The following CASP8 variants were observed in gnomAD, a reference collection of about 807,000 sequenced individuals.
CASP8 encodes the protein caspase-8.
CASP8 carries 24 observed loss-of-function variants against 46.3 expected under a neutral mutation model. That is an observed-to-expected ratio of 0.52 (90% CI 0.38 to 0.73). The LOEUF is 0.73. CASP8 is among the 30% of genes least tolerant of loss of function. The probability of loss-of-function intolerance (pLI) is 0.00; values close to 1 mark genes in which losing one functional copy is unlikely to be tolerated. For synonymous variants in CASP8, 188 were observed against 200.4 expected (o/e 0.94, Z 0.52); for missense variants, 460 against 559.0 (o/e 0.82, Z 1.79).
chr2:201,286,465 TG>T lies in CASP8; in HGVS notation c.1312del (p.Asp438IlefsTer6). 1 of 1,612,712 alleles carries T rather than the reference TG, an allele frequency of 6.2e-7. No individual in the cohort carries two copies. On this transcript the variant is annotated frameshift_variant, in exon 9 of 9. Transcript: ENST00000673742. LOFTEE classifies it low-confidence loss of function (END_TRUNC). ...ATTATGTGATGTATTTCAGAGGCGA[TG>T]ATATTCTCACCATCCTGACTGAAGT... ...SLRERCPRGD[D>X]ILTILTEVNY...
upstream of CASP8, chr2:201,257,867 C>T: frequency 3.2e-6 from 1 of 312,196 alleles, no homozygotes; most frequent in Non-Finnish European, 6.2e-6. Flanking sequence ...TTGCCACCGA[C>T]AGGGGTTATT....
intron 2 of CASP8, among the ~76,000 whole-genome samples, chr2:201,269,042 A>C (rs1273709415): frequency 6.6e-6 from 1 of 151,578 alleles, no homozygotes; most frequent in African/African-American, 2.4e-5. Context: ...GGGTTCAAGC[A>C]ATCCTCCCAC....
chr2:201,250,876 T>C (rs967773263), intron 2 of CASP8, among the ~76,000 whole-genome samples: 3 of 152,196 alleles, frequency 2.0e-5, no homozygotes, highest in African/African-American at 4.8e-5. Flanking sequence ...ACCGTTACAA[T>C]ATTGTACAGA....
intron 5 of CASP8, among the ~76,000 whole-genome samples, chr2:201,273,704 T>C (rs1948446514): frequency 6.6e-6 from 1 of 151,798 alleles, no homozygotes; most frequent in Admixed American, 6.6e-5. Context: ...AGACAGTGTC[T>C]CACTTTGTCC....
intron 2 of CASP8, chr2:201,241,114 G>A (rs770144117): frequency 2.0e-5 from 3 of 152,112 alleles, no homozygotes; most frequent in East Asian, 1.9e-4. Context: ...GTCTAACTTC[G>A]TGCCTCAAGG....
intron 2 of CASP8, among the ~76,000 whole-genome samples, chr2:201,270,775 T>TC (rs1222323716): frequency 2.0e-5 from 3 of 152,196 alleles, no homozygotes; most frequent in Admixed American, 6.5e-5. Flanking sequence ...CAAGTGATCC[T>TC]CCTTCTGCCT....
chr2:201,283,020 A>C (rs1401625780), intron 7 of CASP8, among the ~76,000 whole-genome samples: 2 of 52,160 alleles, frequency 3.8e-5, no homozygotes, highest in African/African-American at 5.6e-5. Flanking sequence ...TCCCTCCCGG[A>C]CGGGGCGGCT....
At chr2:201,274,835 A>T in intron 5 of CASP8, 54 bp from the exon 6 acceptor site, 1 of 1,293,316 alleles carries the variant, frequency 7.7e-7, no homozygotes, top group Non-Finnish European at 1.1e-6. Context: ...TTTCATTACC[A>T]GTGTACCTTT....
chr2:201,239,427 G>A (rs1455825311), intron 2 of CASP8, among the ~76,000 whole-genome samples: 3 of 152,176 alleles, frequency 2.0e-5, no homozygotes, highest in Admixed American at 6.5e-5. Context: ...CGGACGGGGC[G>A]GCTTCCTTAC....
At chr2:201,285,843 C>G (rs1390722690) in intron 8 of CASP8, among the ~76,000 whole-genome samples, 2 of 152,210 alleles carry the variant, frequency 1.3e-5, no homozygotes, top group African/African-American at 4.8e-5. Context: ...ATAGCAGGTT[C>G]CTTCTAGCCC....
rs1347954643 is a variant in CASP8 at position 201,268,616 on chromosome 2, A to G, written c.305+1825A>G. The stretch of plus-strand genomic sequence containing the variant: ...CCTAGGGCTGCTGTAACAAAGTAAC[A>G]CAAACTAGCAGGTTTAAAACAGTTT... On this transcript the variant is annotated intron_variant, in intron 2 of 8. Coordinates refer to ENST00000673742, the MANE Select transcript of CASP8 (RefSeq NM_001372051.1). 2.0e-5 allele frequency among the ~76,000 whole-genome samples: 3 copies of G among 152,204 alleles called. 1 individual carries two copies. The highest frequency in any genetic ancestry group is 4.1e-4 in the South Asian group (2 of 4,838).
In CASP8 at chr2:201,285,082, A is replaced by T. The variant is rs753667338; in HGVS notation, c.1069A>T (p.Ile357Phe). 6.2e-7 allele frequency: 1 copy of T among 1,614,062 alleles called. No individual in the cohort carries two copies. Among genetic ancestry groups the T allele is most frequent in the African/African-American group, 1.3e-5 (1 of 74,924 alleles). Residue 357 changes from isoleucine to phenylalanine, a missense_variant, in exon 8 of 9, where the codon ATT becomes TTT. Transcript: ENST00000673742. ...TGCTGGAAAACCCAAAGTGTTTTTTATTCAGGCTTGTCAGGGGGATAACTA... is the reference window on the plus strand; with the variant it reads ...TGCTGGAAAACCCAAAGTGTTTTTTTTTCAGGCTTGTCAGGGGGATAACTA... ...SLAGKPKVFF[I>F]QACQGDNYQK...
At chr2:201,259,982 T>G (rs569730417), upstream of CASP8, among the ~76,000 whole-genome samples, 2 of 151,040 alleles carry the variant, frequency 1.3e-5, no homozygotes, top group South Asian at 2.1e-4. Flanking sequence ...TTAGAGTTTT[T>G]TTTTTTTTTT....
At chr2:201,285,410 G>C in intron 8 of CASP8, 93 bp downstream of exon 8, 2 of 1,460,922 alleles carry the variant, frequency 1.4e-6, no homozygotes, top group African/African-American at 2.8e-5. Context: ...GAGCCTATTA[G>C]AAAGTGCTAT....
At chr2:201,234,919 A>C (rs1459001172) in intron 2 of CASP8, among the ~76,000 whole-genome samples, 1 of 152,228 alleles carries the variant, frequency 6.6e-6, no homozygotes, top group Non-Finnish European at 1.5e-5. Flanking sequence ...AAGAATTTGC[A>C]TGTATTAACT....
Position 201,272,858 on chromosome 2 carries a change from T to G in CASP8, c.551-40T>G. ...CAAATCGCTCCATATCACAGTTGTT[T>G]CTAATCAAATATTGTTTGGGGTTTC... On this transcript the variant is annotated intron_variant, in intron 4 of 8. Transcript: ENST00000673742. The surrounding 1 kb of genome is among the most constrained non-coding windows in gnomAD (Gnocchi z 4.4). 4 of 1,613,972 alleles carry G rather than the reference T, an allele frequency of 2.5e-6. No individual in the cohort carries two copies. Among genetic ancestry groups the G allele is most frequent in the Non-Finnish European group, 3.4e-6 (4 of 1,179,806 alleles).
intron 7 of CASP8, among the ~76,000 whole-genome samples, chr2:201,282,547 C>A (rs1292303622): frequency 9.1e-6 from 1 of 109,950 alleles, no homozygotes; most frequent in African/African-American, 3.0e-5. Flanking sequence ...CCAGATGGGG[C>A]GGCTGGCCGG....
chr2:201,243,683 A>G (rs1159385092), intron 2 of CASP8, among the ~76,000 whole-genome samples: 1 of 152,196 alleles, frequency 6.6e-6, no homozygotes. Context: ...AAACTCAGGA[A>G]CGTGTAATAT....
intron 7 of CASP8, chr2:201,281,882 A>G (rs1254698658): frequency 1.3e-6 from 2 of 1,489,358 alleles, no homozygotes; most frequent in Admixed American, 4.1e-5. Context: ...AAGCCTGCAG[A>G]ATCCAGCTAC....
Sources: gnomAD v4.1 joint callset for allele counts (sites outside exome capture counted in the v4.1 genomes callset) on GRCh38, gnomAD v4.1.1 for gene constraint, Gnocchi (gnomAD v3.1) non-coding constraint, MANE v1.5 for transcripts, NCBI Gene and HGNC (gene_info 2026-07-23, HGNC 2026-07-21) for gene names.